The following PAFAH1B1 variants were observed in gnomAD, a reference collection of about 807,000 sequenced individuals.
PAFAH1B1 encodes platelet-activating factor acetylhydrolase IB subunit beta.
PAFAH1B1 carries 2 observed loss-of-function variants against 57.5 expected under a neutral mutation model. That is an observed-to-expected ratio of 0.03 (90% CI 0.01 to 0.11). The LOEUF (loss-of-function observed/expected upper bound fraction) is 0.11. Ranked by LOEUF, PAFAH1B1 falls within the 10% of genes least tolerant of loss-of-function variation. The pLI, the probability that PAFAH1B1 is intolerant of heterozygous loss-of-function variation, is 1.00. For missense variants in PAFAH1B1, 257 were observed against 512.0 expected, an observed-to-expected ratio of 0.50 and a Z score of 4.81; for synonymous variants, 152 against 169.6, an observed-to-expected ratio of 0.90 and a Z score of 0.81.
At chr17:2,623,415 C>T (rs2068449158) in intron 1 of PAFAH1B1, among the ~76,000 whole-genome samples, 1 of 151,614 alleles carries the variant, frequency 6.6e-6, no homozygotes, top group South Asian at 2.1e-4. Context: ...ACCACCACCA[C>T]ACCCGGCTAA....
chr17:2,638,123 T>A lies in PAFAH1B1; in HGVS notation c.-166T>A. The A allele has an allele frequency of 3.5e-6, 2 of 568,336 alleles. No homozygotes were observed. Among genetic ancestry groups the A allele is most frequent in the Non-Finnish European group, 6.4e-6 (2 of 314,660 alleles). 35.2% of individuals were successfully genotyped at this position (568,336 alleles called of 1,614,324 possible). On this transcript the variant is annotated 5_prime_UTR_variant, in exon 2 of 11. Coordinates refer to ENST00000397195, the MANE Select transcript of PAFAH1B1 (RefSeq NM_000430.4). ...GGTGGAATGAATCTTACTTGTTGAA[T>A]ATCTTCTGGTTACTAGTTGGATTCA...
chr17:2,601,247 GC>G (rs752744261), intron 1 of PAFAH1B1, among the ~76,000 whole-genome samples: 2 of 151,926 alleles, frequency 1.3e-5, no homozygotes, highest in Non-Finnish European at 2.9e-5. Flanking sequence ...TGATTTTCCT[GC>G]CTCAGCCTTC....
intron 1 of PAFAH1B1, 26 bp from the exon 2 acceptor site, chr17:2,638,073 T>A (rs1266988957): frequency 2.1e-6 from 1 of 481,006 alleles, no homozygotes; most frequent in Non-Finnish European, 3.7e-6. Context: ...TGAAATAATC[T>A]TTTTTTTTCT....
chr17:2,670,631 AT>A (rs2069168840), intron 6 of PAFAH1B1, among the ~76,000 whole-genome samples: 1 of 152,074 alleles, frequency 6.6e-6, no homozygotes, highest in Non-Finnish European at 1.5e-5. Context: ...TTGTGTTTTA[AT>A]TTTTGTTAGT....
chr17:2,615,729 G>A (rs1215499658), intron 1 of PAFAH1B1, among the ~76,000 whole-genome samples: 6 of 151,764 alleles, frequency 4.0e-5, no homozygotes, highest in South Asian at 2.1e-4. Context: ...GTGAGCCACC[G>A]CGCCCAGCCT....
chr17:2,623,141 T>C (rs531685520), intron 1 of PAFAH1B1, among the ~76,000 whole-genome samples: 41 of 152,342 alleles, frequency 2.7e-4, no homozygotes, highest in African/African-American at 9.1e-4. Context: ...CAGGAAGTTC[T>C]CTGACATGGA....
intron 1 of PAFAH1B1, among the ~76,000 whole-genome samples, chr17:2,629,835 C>T (rs992155040): frequency 6.6e-6 from 1 of 152,142 alleles, no homozygotes; most frequent in South Asian, 2.1e-4. Flanking sequence ...TATTATATAA[C>T]GTCCCTCTTT....
chr17:2,611,489 AAAAG>A (rs1018824647), intron 1 of PAFAH1B1, among the ~76,000 whole-genome samples: 4 of 151,890 alleles, frequency 2.6e-5, no homozygotes, highest in East Asian at 1.9e-4. Context: ...AAAAAATAAA[AAAAG>A]AAAGAAATAC....
At chr17:2,627,075 A>G (rs961401449) in intron 1 of PAFAH1B1, among the ~76,000 whole-genome samples, 29 of 152,144 alleles carry the variant, frequency 1.9e-4, no homozygotes, top group Admixed American at 6.6e-4. Flanking sequence ...TCCTTTTGCC[A>G]TCCAAAAGCT....
At chr17:2,664,465 A>G (rs1303221553) in intron 2 of PAFAH1B1, among the ~76,000 whole-genome samples, 1 of 147,834 alleles carries the variant, frequency 6.8e-6, no homozygotes, top group African/African-American at 2.5e-5. Context: ...GAGTGCAGTG[A>G]TGCGGTCTTG....
chr17:2,674,100 C>T lies in PAFAH1B1; in HGVS notation c.712C>T (p.Arg238Cys). 6.2e-7 allele frequency: 1 copy of T among 1,613,842 alleles called. No homozygotes were observed. Among genetic ancestry groups the T allele is most frequent in the Non-Finnish European group, 8.5e-7 (1 of 1,179,898 alleles). The change falls in exon 8 of 11, where the codon CGT (arginine) becomes TGT (cysteine). Residue 238 changes from arginine (R) to cysteine (C), a missense_variant. Transcript: ENST00000397195. ...ATTCACAGGACACAGAGAATGGGTA[C>T]GTATGGTACGGCCAAATCAAGATGG... ...KTFTGHREWV[R>C]MVRPNQDGTL...
intron 2 of PAFAH1B1, among the ~76,000 whole-genome samples, chr17:2,651,734 G>A (rs531027236): frequency 6.6e-6 from 1 of 152,252 alleles, no homozygotes; most frequent in African/African-American, 2.4e-5. Context: ...AATGGAGTGA[G>A]TGACTTGGTA....
intron 1 of PAFAH1B1, among the ~76,000 whole-genome samples, chr17:2,618,974 A>G (rs1197525110): frequency 6.6e-6 from 1 of 151,098 alleles, no homozygotes; most frequent in Non-Finnish European, 1.5e-5. Context: ...AAAAAAAAAA[A>G]AAATTCAGAG....
chr17:2,658,835 C>CA (rs1164823458), intron 2 of PAFAH1B1, among the ~76,000 whole-genome samples: 12 of 152,148 alleles, frequency 7.9e-5, no homozygotes, highest in African/African-American at 2.9e-4. Context: ...TAATGGCAAT[C>CA]AATTTGTCAG....
rs964447721 is a variant in PAFAH1B1 at position 2,675,672 on chromosome 17, C to G, written c.901-833C>G. Among the ~76,000 whole-genome samples, 3 of 149,680 alleles carry G rather than the reference C, an allele frequency of 2.0e-5. No homozygotes were observed. The Admixed American group carries it at 2.0e-4, about 10-fold the overall frequency. The stretch of plus-strand genomic sequence containing the variant: ...TTTAAACTCACCACTATACTAATGA[C>G]GGAAAAAATTTTCAAAAACTTAGCT... On this transcript the variant is annotated intron_variant, in intron 8 of 10. Transcript: ENST00000397195.
intron 1 of PAFAH1B1, among the ~76,000 whole-genome samples, chr17:2,612,247 A>G (rs2068275539): frequency 6.9e-6 from 1 of 145,450 alleles, no homozygotes; most frequent in Non-Finnish European, 1.5e-5. Flanking sequence ...CTCATCGCCC[A>G]GGCTGGAGTG....
At chr17:2,624,135 G>T (rs535262484) in intron 1 of PAFAH1B1, among the ~76,000 whole-genome samples, 2 of 152,154 alleles carry the variant, frequency 1.3e-5, no homozygotes, top group African/African-American at 4.8e-5. Flanking sequence ...CTTTGCTCCA[G>T]TTCCCAACGA....
At chr17:2,657,731 A>G (rs889041374) in intron 2 of PAFAH1B1, among the ~76,000 whole-genome samples, 2 of 152,292 alleles carry the variant, frequency 1.3e-5, no homozygotes, top group East Asian at 3.9e-4. Flanking sequence ...TTTGAATTAA[A>G]TTTCATAGAC....
intron 8 of PAFAH1B1, 87 bp from the exon 9 acceptor site, chr17:2,676,418 A>C (rs1392327155): frequency 1.2e-6 from 1 of 854,256 alleles, no homozygotes; most frequent in African/African-American, 1.7e-5. Context: ...AAAATTGGAA[A>C]TATATATCAT....
Sources: allele counts gnomAD v4.1 joint callset (sites outside exome capture counted in the v4.1 genomes callset), GRCh38; gene constraint gnomAD v4.1.1; transcripts MANE v1.5; gene names NCBI Gene and HGNC (gene_info 2026-07-23, HGNC 2026-07-21).